Variants in TBC1D32 observed in about 807,000 individuals in gnomAD.
TBC1D32 encodes TBC1 domain family member 32.
A neutral mutation model predicts 170.3 loss-of-function variants in TBC1D32; 151 were observed. The observed-to-expected ratio is 0.89, with a 90% CI of 0.78 to 1.01. The LOEUF is 1.01. Ranked by LOEUF, TBC1D32 falls within the 50% of genes least tolerant of loss-of-function variation. TBC1D32 has a pLI of 0.00. For synonymous variants in TBC1D32, 498 were observed against 488.0 expected (o/e 1.02, Z -0.27); for missense variants, 1,464 against 1,457.1 (o/e 1.00, Z -0.08).
chr6:121,294,531 C>A (rs1805325101), intron 11 of TBC1D32, 39 bp downstream of exon 11: 2 of 1,464,290 alleles, frequency 1.4e-6, no homozygotes, highest in South Asian at 2.5e-5. Flanking sequence ...ATAAAATTTA[C>A]CATTTTTAAA....
At chr6:121,215,069 G>A (rs1020887738) in intron 21 of TBC1D32, among the ~76,000 whole-genome samples, 1 of 152,198 alleles carries the variant, frequency 6.6e-6, no homozygotes, top group African/African-American at 2.4e-5. Context: ...GAGATGCACA[G>A]GCATAGCTCC....
At chr6:121,185,804 G>A (rs545091278) in intron 22 of TBC1D32, among the ~76,000 whole-genome samples, 11 of 152,136 alleles carry the variant, frequency 7.2e-5, no homozygotes, top group African/African-American at 2.2e-4. Flanking sequence ...ATAAAAAAAA[G>A]TAAGGCACTG....
At chr6:121,329,708 A>G (rs1810961135) in intron 1 of TBC1D32, among the ~76,000 whole-genome samples, 1 of 152,074 alleles carries the variant, frequency 6.6e-6, no homozygotes, top group African/African-American at 2.4e-5. Context: ...ATTCAATCAT[A>G]TATGGAAAAA....
chr6:121,253,345 GA>G (rs1798539367), intron 17 of TBC1D32, among the ~76,000 whole-genome samples: 1 of 151,248 alleles, frequency 6.6e-6, no homozygotes, highest in Non-Finnish European at 1.5e-5. Flanking sequence ...ACGAGCACTT[GA>G]AAAAAAATGT....
intron 20 of TBC1D32, among the ~76,000 whole-genome samples, chr6:121,229,044 G>A (rs1194110707): frequency 1.3e-5 from 2 of 151,988 alleles, no homozygotes; most frequent in Admixed American, 6.6e-5. Context: ...ATGTGGCTGT[G>A]TCAGTTTTCT....
At chr6:121,307,280 G>A (rs923143647) in intron 5 of TBC1D32, among the ~76,000 whole-genome samples, 1 of 152,096 alleles carries the variant, frequency 6.6e-6, no homozygotes, top group African/African-American at 2.4e-5. Context: ...GGAGACTGAG[G>A]TGGGAAGGTC....
intron 3 of TBC1D32, among the ~76,000 whole-genome samples, chr6:121,311,708 T>C (rs1195091194): frequency 7.0e-6 from 1 of 142,698 alleles, no homozygotes; most frequent in Non-Finnish European, 1.5e-5. Context: ...GCCTGGCAAC[T>C]GAGTGAGACT....
intron 1 of TBC1D32, among the ~76,000 whole-genome samples, chr6:121,325,770 A>G (rs1162557317): frequency 1.3e-5 from 2 of 152,246 alleles, no homozygotes; most frequent in Non-Finnish European, 2.9e-5. Flanking sequence ...CAAAATTGAC[A>G]AATGCGATCT....
At chr6:121,262,931 T>G (rs1799962016) in intron 15 of TBC1D32, among the ~76,000 whole-genome samples, 1 of 151,762 alleles carries the variant, frequency 6.6e-6, no homozygotes, top group Admixed American at 6.6e-5. Context: ...AAGCAAGCAC[T>G]AAATAGGGAG....
At chr6:121,216,011 G>T (rs1399321366) in intron 21 of TBC1D32, among the ~76,000 whole-genome samples, 2 of 152,208 alleles carry the variant, frequency 1.3e-5, no homozygotes, top group African/African-American at 4.8e-5. Flanking sequence ...GGGTGTGATG[G>T]TTAATACTGA....
intron 24 of TBC1D32, 134 bp from the exon 25 acceptor site, chr6:121,131,886 C>A (rs1344450561): frequency 3.5e-6 from 2 of 577,760 alleles, no homozygotes; most frequent in Non-Finnish European, 5.6e-6. Context: ...AGATATTCTT[C>A]TGTAATTACA....
At chr6:121,202,872 C>T (rs1791770592) in intron 22 of TBC1D32, among the ~76,000 whole-genome samples, 1 of 151,302 alleles carries the variant, frequency 6.6e-6, no homozygotes, top group African/African-American at 2.5e-5. Flanking sequence ...CTGTTCACGC[C>T]ACATTTCACT....
chr6:121,300,543 A>G (rs773198081), intron 9 of TBC1D32, among the ~76,000 whole-genome samples: 2 of 152,188 alleles, frequency 1.3e-5, no homozygotes, highest in Non-Finnish European at 2.9e-5. Flanking sequence ...TTAACTCAAG[A>G]TGGATTAAAG....
intron 12 of TBC1D32, among the ~76,000 whole-genome samples, chr6:121,291,230 G>A (rs1378723652): frequency 1.3e-5 from 2 of 151,960 alleles, no homozygotes; most frequent in African/African-American, 4.8e-5. Context: ...GTGCACAGTT[G>A]AGGCACTCAT....
chr6:121,227,183 A>G (rs924956838), intron 20 of TBC1D32, among the ~76,000 whole-genome samples: 20 of 152,304 alleles, frequency 1.3e-4, no homozygotes, highest in Admixed American at 8.5e-4. Context: ...AGCTTGTTCT[A>G]AAGTCTCTGC....
chr6:121,101,816 C>T (rs536549744), intron 30 of TBC1D32, among the ~76,000 whole-genome samples: 1 of 152,186 alleles, frequency 6.6e-6, no homozygotes, highest in East Asian at 1.9e-4. Context: ...TTGCAGATGA[C>T]ATGATTGTAT....
At chr6:121,232,983 C>A (rs573037347) in intron 20 of TBC1D32, among the ~76,000 whole-genome samples, 4 of 152,126 alleles carry the variant, frequency 2.6e-5, no homozygotes, top group South Asian at 4.2e-4. Flanking sequence ...CACTTAGGAG[C>A]AGGTTATTTA....
intron 19 of TBC1D32, among the ~76,000 whole-genome samples, chr6:121,240,357 ATTTT>A (rs35946120): frequency 2.0e-3 from 151 of 75,290 alleles, no homozygotes; most frequent in African/African-American, 7.7e-3. Context: ...GTTTAGGACA[ATTTT>A]TTTTTTTTTT....
upstream of TBC1D32, chr6:121,334,490 C>T: frequency 6.6e-7 from 1 of 1,510,796 alleles, no homozygotes; most frequent in Middle Eastern, 2.0e-4. Context: ...CCGCGCACTG[C>T]GCACGCGCAC....
Sources: gnomAD v4.1 joint callset for allele counts (sites outside exome capture counted in the v4.1 genomes callset) on GRCh38, gnomAD v4.1.1 for gene constraint, MANE v1.5 for transcripts, NCBI Gene and HGNC (gene_info 2026-07-23, HGNC 2026-07-21) for gene names.